NKAIN3: variants seen among roughly 807,000 people sequenced by gnomAD.
The protein encoded by NKAIN3 is sodium/potassium transporting ATPase interacting 3.
NKAIN3 carries 25 observed loss-of-function variants against 30.2 expected under a neutral mutation model. The observed-to-expected ratio is 0.83, with a 90% CI of 0.60 to 1.16. The LOEUF (loss-of-function observed/expected upper bound fraction) is 1.16. Ranked by LOEUF, NKAIN3 falls within the 50% of genes most tolerant of loss-of-function variation. The probability of loss-of-function intolerance (pLI) is 0.00; values close to 1 mark genes in which losing one functional copy is unlikely to be tolerated. For missense variants in NKAIN3, 225 were observed against 254.1 expected, an observed-to-expected ratio of 0.89 and a Z score of 0.78; for synonymous variants, 91 against 89.6, an observed-to-expected ratio of 1.02 and a Z score of -0.09.
At position 62,883,457 on chromosome 8, in the gene NKAIN3, G is replaced by GTTGTTTTTTTTTTTTTTTTTTT; in HGVS notation, c.472-34994_472-34993insGTTTTTTTTTTTTTTTTTTTTT. Among the ~76,000 whole-genome samples, 10 of 70,228 alleles carry GTTGTTTTTTTTTTTTTTTTTTT rather than the reference G, an allele frequency of 1.4e-4. 2 individuals carry two copies. The highest frequency in any genetic ancestry group is 6.3e-4 in the African/African-American group (9 of 14,300). The allele number at this position is 70,228 out of a possible 152,430, so 46.1% of individuals were successfully genotyped here. On this transcript the variant is annotated intron_variant, in intron 4 of 6. Transcript: ENST00000623646. The stretch of plus-strand genomic sequence containing the variant: ...TTTATTATTTCCAGGAGTTTTATGG[G>GTTGTTTTTTTTTTTTTTTTTTT]TTTTTTTTTTTTTTTTCAGATTTTC...
chr8:62,453,553 G>A (rs988531803), intron 1 of NKAIN3, among the ~76,000 whole-genome samples: 1 of 152,048 alleles, frequency 6.6e-6, no homozygotes, highest in African/African-American at 2.4e-5. Flanking sequence ...AGGAAGTTGA[G>A]GCATGAAAAC....
rs553614971 is a variant in NKAIN3, at chr8:62,685,639, G to A, written c.274-61293G>A. Reference sequence around the variant, plus strand: ...ATTTTTGTCTAAGCTTCATTGCTACGGATAGTCACAGTGGCATTCAAATAC... The same window carrying A: ...ATTTTTGTCTAAGCTTCATTGCTACAGATAGTCACAGTGGCATTCAAATAC... On this transcript the variant is annotated intron_variant, in intron 3 of 6. Coordinates refer to ENST00000623646, the MANE Select transcript of NKAIN3 (RefSeq NM_001304533.3). 1.2e-4 allele frequency among the ~76,000 whole-genome samples: 18 copies of A among 152,190 alleles called. 1 individual carries two copies. Among genetic ancestry groups the A allele is most frequent in the South Asian group, 6.2e-4 (3 of 4,820 alleles).
At chr8:62,405,727 C>G (rs561466986) in intron 1 of NKAIN3, among the ~76,000 whole-genome samples, 2 of 152,226 alleles carry the variant, frequency 1.3e-5, no homozygotes, top group Admixed American at 1.3e-4. Flanking sequence ...AATTGCTCAC[C>G]TGATTACTGG....
At chr8:62,889,090 C>T (rs768342339) in intron 4 of NKAIN3, among the ~76,000 whole-genome samples, 3 of 151,914 alleles carry the variant, frequency 2.0e-5, no homozygotes. Context: ...TTGAACAGTC[C>T]AGGCACGGTG....
intron 4 of NKAIN3, among the ~76,000 whole-genome samples, chr8:62,836,310 G>A (rs548693651): frequency 5.9e-5 from 9 of 151,730 alleles, no homozygotes; most frequent in East Asian, 3.9e-4. Context: ...CACATATACC[G>A]CCTCAATCTT....
intron 4 of NKAIN3, among the ~76,000 whole-genome samples, chr8:62,832,219 A>G (rs183587254): frequency 3.3e-5 from 5 of 151,688 alleles, no homozygotes; most frequent in African/African-American, 1.2e-4. Context: ...AGGAAGTTCT[A>G]AACAGAAACA....
chr8:62,877,446 A>T (rs975099042), intron 4 of NKAIN3, among the ~76,000 whole-genome samples: 18 of 152,294 alleles, frequency 1.2e-4, no homozygotes, highest in Admixed American at 6.5e-4. Flanking sequence ...CCTTGACTGC[A>T]CTTCCCTTCA....
At chr8:62,688,292 A>C (rs1813857306) in intron 3 of NKAIN3, among the ~76,000 whole-genome samples, 1 of 152,360 alleles carries the variant, frequency 6.6e-6, no homozygotes, top group South Asian at 2.1e-4. Flanking sequence ...TGGTTCAGAT[A>C]GTCTCTAGAA....
At chr8:62,437,134 T>A (rs1478922468) in intron 1 of NKAIN3, among the ~76,000 whole-genome samples, 1 of 146,654 alleles carries the variant, frequency 6.8e-6, no homozygotes, top group Non-Finnish European at 1.5e-5. Flanking sequence ...AAGGACATCC[T>A]TATGAACAGA....
chr8:62,456,760 G>A (rs968649105), intron 1 of NKAIN3, among the ~76,000 whole-genome samples: 1 of 152,216 alleles, frequency 6.6e-6, no homozygotes, highest in Non-Finnish European at 1.5e-5. Flanking sequence ...TTCGCACTCT[G>A]CGATGTGATT....
intron 6 of NKAIN3, among the ~76,000 whole-genome samples, chr8:62,958,040 C>A (rs1040985626): frequency 6.6e-6 from 1 of 152,064 alleles, no homozygotes; most frequent in African/African-American, 2.4e-5. Context: ...AATATTAAGT[C>A]TTTAAGGGGA....
chr8:62,471,069 C>T (rs936167012), intron 1 of NKAIN3, among the ~76,000 whole-genome samples: 4 of 151,936 alleles, frequency 2.6e-5, no homozygotes, highest in African/African-American at 9.7e-5. Context: ...TGGATAGACA[C>T]CCATAAAAAG....
At chr8:62,900,988 T>A (rs117303669) in intron 4 of NKAIN3, among the ~76,000 whole-genome samples, 1,626 of 152,224 alleles carry the variant, frequency 0.011, 18 homozygotes, top group South Asian at 0.02. Context: ...AACTGTCAGA[T>A]GGAACCCCTT....
intron 5 of NKAIN3, among the ~76,000 whole-genome samples, chr8:62,996,327 A>C (rs762239023): frequency 6.6e-6 from 1 of 152,172 alleles, no homozygotes; most frequent in Admixed American, 6.5e-5. Context: ...ATCAGATCAC[A>C]TGAGAGCTCC....
intron 4 of NKAIN3, chr8:62,856,217 G>T: frequency 1.2e-6 from 1 of 825,798 alleles, no homozygotes; most frequent in Non-Finnish European, 2.2e-6. Flanking sequence ...CTGGGTCTTG[G>T]TTTTCACTGG....
chr8:62,451,607 A>C (rs1395563846), intron 1 of NKAIN3, among the ~76,000 whole-genome samples: 1 of 152,108 alleles, frequency 6.6e-6, no homozygotes, highest in Non-Finnish European at 1.5e-5. Flanking sequence ...CATTTTGTAG[A>C]AGCCTAAGAC....
At chr8:62,299,798 G>T (rs1813980478) in intron 1 of NKAIN3, among the ~76,000 whole-genome samples, 1 of 152,062 alleles carries the variant, frequency 6.6e-6, no homozygotes, top group Admixed American at 6.6e-5. Context: ...TTAACAATAT[G>T]TGAACACGGA....
chr8:62,326,381 A>T (rs1209079494), intron 1 of NKAIN3, among the ~76,000 whole-genome samples: 1 of 151,412 alleles, frequency 6.6e-6, no homozygotes, highest in African/African-American at 2.4e-5. Context: ...GACATTTGTT[A>T]CTTATGATTT....
chr8:62,752,328 C>T (rs887461373), intron 4 of NKAIN3, among the ~76,000 whole-genome samples: 10 of 152,144 alleles, frequency 6.6e-5, no homozygotes, highest in Non-Finnish European at 1.5e-4. Context: ...TTAGGCTGGT[C>T]CGTCTTTTGA....
Sources: gnomAD v4.1 joint callset for allele counts (sites outside exome capture counted in the v4.1 genomes callset) on GRCh38, gnomAD v4.1.1 for gene constraint, MANE v1.5 for transcripts, NCBI Gene and HGNC (gene_info 2026-07-23, HGNC 2026-07-21) for gene names.